Variants in FMNL3 observed in about 807,000 individuals in gnomAD.
The protein encoded by FMNL3 is formin like 3, also known as formin-like protein 3.
A neutral mutation model predicts 119.6 loss-of-function variants in FMNL3; 57 were observed. That is an observed-to-expected ratio of 0.48 (90% CI 0.39 to 0.59). The LOEUF is 0.59. Ranked by LOEUF, FMNL3 falls within the 20% of genes least tolerant of loss-of-function variation. The pLI is 0.00. For synonymous variants in FMNL3, 491 were observed against 507.3 expected, an observed-to-expected ratio of 0.97 and a Z score of 0.43; for missense variants, 1,053 against 1,323.5, an observed-to-expected ratio of 0.80 and a Z score of 3.17.
Position 49,643,482 on chromosome 12 carries a change from G to A in FMNL3, c.*2333C>T, listed in dbSNP as rs1009769829. ...CCTCCACAAGCCCCAGCTCCTTTGA[G>A]GGTAGACTGGATTGGGAGGGCTGCA... is the stretch of plus-strand genomic sequence containing the variant. On this transcript the variant is annotated 3_prime_UTR_variant, in exon 26 of 26. Coordinates refer to ENST00000335154, the MANE Select transcript of FMNL3 (RefSeq NM_175736.5). The A allele has an allele frequency of 4.7e-6, 7 of 1,486,828 alleles. No homozygotes were observed. In the African/African-American group the frequency reaches 8.5e-5, roughly 18 times the overall value. 92.1% of individuals were successfully genotyped at this position (1,486,828 alleles called of 1,614,324 possible).
intron 2 of FMNL3, among the ~76,000 whole-genome samples, chr12:49,667,828 T>C (rs1943932992): frequency 6.6e-6 from 1 of 152,128 alleles, no homozygotes; most frequent in Non-Finnish European, 1.5e-5. Flanking sequence ...TCTACCAAGA[T>C]GTAAAAAGGT....
At chr12:49,666,260 G>A (rs1477644752) in intron 2 of FMNL3, 53 bp from the exon 3 acceptor site, 2 of 1,483,428 alleles carry the variant, frequency 1.3e-6, no homozygotes, top group African/African-American at 1.4e-5. Context: ...GAGACCTGAG[G>A]AGGGCACTGA....
At chr12:49,670,164 C>T (rs1013926593) in intron 1 of FMNL3, among the ~76,000 whole-genome samples, 1 of 152,200 alleles carries the variant, frequency 6.6e-6, no homozygotes, top group African/African-American at 2.4e-5. Context: ...ATCCTCATCC[C>T]TGGGGACATG....
At position 49,707,047 on chromosome 12, in the gene FMNL3, G is replaced by A; in HGVS notation, c.126+8C>T. On this transcript the variant is annotated splice_region_variant and intron_variant, in intron 1 of 25. Transcript: ENST00000335154. Reference sequence around the variant, plus strand: ...TACGCGGGGGAAGGGGCTGGGCTCAGCTCTCACCAGCACCAGGGCGAACCT... The same window carrying A: ...TACGCGGGGGAAGGGGCTGGGCTCAACTCTCACCAGCACCAGGGCGAACCT... The A allele has an allele frequency of 1.3e-6, 2 of 1,574,046 alleles. No individual in the cohort carries two copies. The highest frequency in any genetic ancestry group is 1.7e-6 in the Non-Finnish European group (2 of 1,160,404).
chr12:49,679,248 G>A (rs1339122901), intron 1 of FMNL3, among the ~76,000 whole-genome samples: 3 of 152,156 alleles, frequency 2.0e-5, no homozygotes, highest in Non-Finnish European at 4.4e-5. Flanking sequence ...CGGTGGATCT[G>A]GGATTTGAAC....
chr12:49,668,622 G>T, intron 1 of FMNL3, 68 bp from the exon 2 acceptor site: 1 of 1,396,374 alleles, frequency 7.2e-7, no homozygotes, highest in Non-Finnish European at 1.0e-6. Flanking sequence ...AGACTAGACT[G>T]CCCACACCTT....
chr12:49,697,962 T>C (rs1045259785), intron 1 of FMNL3, among the ~76,000 whole-genome samples: 4 of 152,168 alleles, frequency 2.6e-5, no homozygotes, highest in African/African-American at 9.7e-5. Flanking sequence ...TAAGATTTCA[T>C]GGGAAACACT....
intron 25 of FMNL3, 183 bp downstream of exon 25, chr12:49,646,703 A>C: frequency 1.3e-6 from 2 of 1,540,752 alleles, no homozygotes; most frequent in Non-Finnish European, 1.7e-6. Flanking sequence ...TCACAGAAGA[A>C]GCGTGAGCCC....
intron 10 of FMNL3, 85 bp from the exon 11 acceptor site, chr12:49,654,387 A>G: frequency 9.8e-7 from 1 of 1,025,136 alleles, no homozygotes; most frequent in Non-Finnish European, 1.5e-6. Flanking sequence ...CTGTTAGAAT[A>G]TCATCATCAT....
At chr12:49,679,330 C>T (rs1312104448) in intron 1 of FMNL3, among the ~76,000 whole-genome samples, 1 of 152,022 alleles carries the variant, frequency 6.6e-6, no homozygotes, top group Non-Finnish European at 1.5e-5. Flanking sequence ...ATCGTATTAG[C>T]CCTTCTTTGC....
rs1358761008 is a variant in FMNL3, at chr12:49,642,454, G to T, written c.*3361C>A. ...ACCACTGAGGGCCCACCCCAGTCAC[G>T]TCACAGCCCTGGGCCAGCTCCAGTT... is the stretch of plus-strand genomic sequence containing the variant. On this transcript the variant is annotated 3_prime_UTR_variant, in exon 26 of 26. Transcript: ENST00000335154. This position sits in a 1 kb window ranked among gnomAD's most constrained non-coding sequence, Gnocchi z 5.8. The T allele has an allele frequency of 3.2e-6, 5 of 1,579,008 alleles. No individual in the cohort carries two copies. In the East Asian group the frequency reaches 1.1e-4, roughly 35 times the overall value.
chr12:49,643,774 T>C lies in FMNL3; in HGVS notation c.*2041A>G. ...GTCGGTGAGTGAAGGAACTTCTACC[T>C]AAGCCCCTGCTATTTTGTGAGTTCT... is the stretch of plus-strand genomic sequence containing the variant. On this transcript the variant is annotated 3_prime_UTR_variant, in exon 26 of 26. Transcript: ENST00000335154. 6.2e-7 allele frequency: 1 copy of C among 1,613,716 alleles called. No homozygotes were observed. Among genetic ancestry groups the C allele is most frequent in the Non-Finnish European group, 8.5e-7 (1 of 1,179,896 alleles).
intron 5 of FMNL3, chr12:49,661,648 C>T (rs984477163): frequency 3.4e-6 from 1 of 291,384 alleles, no homozygotes; most frequent in South Asian, 5.6e-5. Context: ...TACCAGAAGC[C>T]AGGACATTTC....
intron 5 of FMNL3, chr12:49,659,759 A>C: frequency 1.0e-6 from 1 of 985,440 alleles, no homozygotes; most frequent in South Asian, 4.7e-5. Context: ...AAGATGGCCA[A>C]GATCACAAAC....
rs996492514 is a variant in FMNL3 at position 49,637,730 on chromosome 12, C to T, written c.*8085G>A. Reference sequence around the variant, plus strand: ...CCAGGCCCCCCTCCCTCCCTCCTTACAGGCTCCACCCCTCTGGACTTATTC... The same window carrying T: ...CCAGGCCCCCCTCCCTCCCTCCTTATAGGCTCCACCCCTCTGGACTTATTC... On this transcript the variant is annotated 3_prime_UTR_variant, in exon 26 of 26. Transcript: ENST00000335154. The T allele has an allele frequency of 3.1e-6, 3 of 954,622 alleles. No individual in the cohort carries two copies. The highest frequency in any genetic ancestry group is 3.4e-5 in the African/African-American group (2 of 59,268). The allele number at this position is 954,622 out of a possible 1,614,324, so 59.1% of individuals were successfully genotyped here.
intron 1 of FMNL3, among the ~76,000 whole-genome samples, chr12:49,671,446 G>A (rs1944044048): frequency 1.3e-5 from 2 of 152,242 alleles, no homozygotes; most frequent in African/African-American, 4.8e-5. Flanking sequence ...AAGTGTGATA[G>A]GGAAGGAGGT....
At chr12:49,648,775 C>T (rs1320338344) in intron 21 of FMNL3, among the ~76,000 whole-genome samples, 1 of 152,244 alleles carries the variant, frequency 6.6e-6, no homozygotes, top group African/African-American at 2.4e-5. Flanking sequence ...TAAAGAGCGA[C>T]TGCTCCCCTT....
In FMNL3 at chr12:49,665,849, A is replaced by G; in HGVS notation, c.351T>C (p.Leu117=). 6.2e-7 allele frequency: 1 copy of G among 1,614,210 alleles called. No individual in the cohort carries two copies. Among genetic ancestry groups the G allele is most frequent in the Non-Finnish European group, 8.5e-7 (1 of 1,180,036 alleles). ...TKVLRELEIS[L]RTNHIGWVRE... ...CAACTCACCCAATGTGGTTGGTGCG[A>G]AGAGAGATCTCCAGCTCCCTTAGTA... Residue 117 remains leucine (L), a synonymous_variant, in exon 4 of 26, where the codon CTT becomes CTC. Transcript: ENST00000335154.
At position 49,686,347 on chromosome 12, in the gene FMNL3, C is replaced by T. The variant is rs141759679; in HGVS notation, c.127-17793G>A. 5.4e-3 allele frequency among the ~76,000 whole-genome samples: 821 copies of T among 151,634 alleles called. 2 individuals carry two copies. The highest frequency in any genetic ancestry group is 0.019 in the African/African-American group (785 of 41,470). The stretch of plus-strand genomic sequence containing the variant: ...CTGTAATCCCAGCACTTTGGGAGGC[C>T]GACGCAGGCGGATCACGAGGTTAGG... On this transcript the variant is annotated intron_variant, in intron 1 of 25. Transcript: ENST00000335154.
Sources: gnomAD v4.1 joint callset for allele counts (sites outside exome capture counted in the v4.1 genomes callset) on GRCh38, gnomAD v4.1.1 for gene constraint, Gnocchi (gnomAD v3.1) non-coding constraint, MANE v1.5 for transcripts, NCBI Gene and HGNC (gene_info 2026-07-23, HGNC 2026-07-21) for gene names.